Variants in GRM5 observed in about 807,000 individuals in gnomAD.
The protein encoded by GRM5 is metabotropic glutamate receptor 5.
A neutral mutation model predicts 83.1 loss-of-function variants in GRM5; 19 were observed. The observed-to-expected ratio is 0.23, with a 90% CI of 0.16 to 0.34. The LOEUF (loss-of-function observed/expected upper bound fraction) is 0.34, where lower values mean the gene tolerates loss of function less well. Ranked by LOEUF, GRM5 falls within the 10% of genes least tolerant of loss-of-function variation. The probability of loss-of-function intolerance (pLI) is 1.00; values close to 1 mark genes in which losing one functional copy is unlikely to be tolerated. For missense variants in GRM5, 1,160 were observed against 1,588.3 expected (o/e 0.73, Z 4.58); for synonymous variants, 675 against 633.6 (o/e 1.07, Z -0.98).
chr11:89,023,849 CTAAATAAATAAATAAATAAATAAA>C (rs71946693), intron 2 of GRM5, among the ~76,000 whole-genome samples: 19 of 134,496 alleles, frequency 1.4e-4, no homozygotes, highest in Admixed American at 2.3e-4. Context: ...GACTTCATCT[CTAAATAAATAAATAAATAAATAAA>C]TAAATAAATA....
intron 6 of GRM5, among the ~76,000 whole-genome samples, chr11:88,595,305 T>C (rs1390224587): frequency 6.6e-6 from 1 of 152,186 alleles, no homozygotes; most frequent in Non-Finnish European, 1.5e-5. Context: ...TACTTTTAAC[T>C]GTATTCATCC....
intron 4 of GRM5, among the ~76,000 whole-genome samples, chr11:88,650,332 T>C (rs1939597657): frequency 6.6e-6 from 1 of 151,924 alleles, no homozygotes; most frequent in Admixed American, 6.6e-5. Flanking sequence ...ATGTCCATAC[T>C]ATATGAGGAA....
At chr11:88,941,040 C>T (rs549524677) in intron 2 of GRM5, among the ~76,000 whole-genome samples, 1 of 151,896 alleles carries the variant, frequency 6.6e-6, no homozygotes, top group South Asian at 2.1e-4. Flanking sequence ...GCAATAAACA[C>T]TCCAAACTTA....
intron 8 of GRM5, among the ~76,000 whole-genome samples, chr11:88,548,237 T>G (rs1353906348): frequency 6.6e-6 from 1 of 152,194 alleles, no homozygotes; most frequent in Non-Finnish European, 1.5e-5. Flanking sequence ...GAAGGAAATA[T>G]GATTTGCATG....
At chr11:88,955,006 G>A (rs902494875) in intron 2 of GRM5, among the ~76,000 whole-genome samples, 3 of 152,180 alleles carry the variant, frequency 2.0e-5, no homozygotes, top group Non-Finnish European at 4.4e-5. Flanking sequence ...CTAAGTTCCT[G>A]AAAAATGATA....
At chr11:89,029,969 G>T (rs879398217) in intron 2 of GRM5, among the ~76,000 whole-genome samples, 9 of 152,026 alleles carry the variant, frequency 5.9e-5, no homozygotes, top group Admixed American at 2.6e-4. Context: ...CTGTTATATT[G>T]TTATACTTTG....
At chr11:88,919,258 C>G (rs7924854) in intron 2 of GRM5, among the ~76,000 whole-genome samples, 1 of 22,982 alleles carries the variant, frequency 4.4e-5, no homozygotes, top group Admixed American at 4.4e-4. Context: ...ATATATATAT[C>G]GGATAAAATA....
intron 3 of GRM5, among the ~76,000 whole-genome samples, chr11:88,742,479 A>C (rs1248880722): frequency 6.6e-6 from 1 of 152,010 alleles, no homozygotes; most frequent in African/African-American, 2.4e-5. Context: ...CAAATTTCTA[A>C]CCTCTTATCC....
intron 3 of GRM5, among the ~76,000 whole-genome samples, chr11:88,758,907 T>G (rs1332715893): frequency 6.6e-6 from 1 of 152,098 alleles, no homozygotes; most frequent in East Asian, 1.9e-4. Context: ...GCAGAAACCC[T>G]ACAAGCCAGA....
At chr11:88,719,873 T>C (rs1032623116) in intron 3 of GRM5, among the ~76,000 whole-genome samples, 1 of 152,104 alleles carries the variant, frequency 6.6e-6, no homozygotes, top group African/African-American at 2.4e-5. Flanking sequence ...TTTTGAAAAA[T>C]GCCTGTTCAT....
rs117799178 is a variant in GRM5, at chr11:88,563,442, T to G, written c.2630+3611A>C. On this transcript the variant is annotated intron_variant, in intron 8 of 9. Transcript: ENST00000305447. ...TGAGGTACACAATTAGTATCCTCTT[T>G]AAGATAGAGAGCCCTTACCATCTGC... Among the ~76,000 whole-genome samples the G allele has an allele frequency of 5.3e-3, 805 of 152,318 alleles. 5 individuals are homozygous for G. Among genetic ancestry groups the G allele is most frequent in the Non-Finnish European group, 8.0e-3 (547 of 68,018 alleles).
At chr11:88,905,497 A>C (rs2135600083) in intron 2 of GRM5, among the ~76,000 whole-genome samples, 1 of 152,144 alleles carries the variant, frequency 6.6e-6, no homozygotes, top group Non-Finnish European at 1.5e-5. Flanking sequence ...GCCCATCATT[A>C]CACCTGGCTA....
intron 3 of GRM5, among the ~76,000 whole-genome samples, chr11:88,777,445 G>A (rs190285218): frequency 1.8e-4 from 28 of 152,198 alleles, no homozygotes; most frequent in Non-Finnish European, 3.5e-4. Flanking sequence ...CTGTCAAATC[G>A]TCAAAGTCAT....
intron 2 of GRM5, among the ~76,000 whole-genome samples, chr11:88,875,371 G>T (rs1252501991): frequency 6.6e-6 from 1 of 151,868 alleles, no homozygotes; most frequent in African/African-American, 2.4e-5. Context: ...ACATTGTGAG[G>T]CTCACCTTCT....
chr11:88,960,867 C>T (rs1938762132), intron 2 of GRM5, among the ~76,000 whole-genome samples: 1 of 152,070 alleles, frequency 6.6e-6, no homozygotes, highest in Admixed American at 6.6e-5. Context: ...GTGAAGTCAA[C>T]CATTATTTCT....
chr11:88,567,552 G>T lies in GRM5; in HGVS notation c.2131C>A (p.Leu711Ile), dbSNP rs758165673. ...ICIQLGIIVA[L>I]FIMEPPDIMH... is the part of the protein sequence containing the mutation. ...ATGTCAGGAGGCTCCATTATAAAGA[G>T]GGCAACGATGATGCCCAACTGGATG... The change falls in exon 8 of 10, where the codon CTC (leucine) becomes ATC (isoleucine). Residue 711 changes from leucine (L) to isoleucine (I), a missense_variant. Physicochemically the swap from Leu to Ile is conservative, Grantham distance 5. Transcript: ENST00000305447. This position sits in a 1 kb window ranked among gnomAD's most constrained non-coding sequence, Gnocchi z 7.3. The T allele has an allele frequency of 5.6e-6, 9 of 1,613,894 alleles. No individual in the cohort carries two copies. In the Admixed American group the frequency reaches 1.0e-4, roughly 18 times the overall value.
chr11:88,571,216 A>G (rs1942993702), intron 7 of GRM5, among the ~76,000 whole-genome samples: 1 of 152,196 alleles, frequency 6.6e-6, no homozygotes, highest in Non-Finnish European at 1.5e-5. Flanking sequence ...TGAACTCTTC[A>G]TGTTCAGCTT....
At chr11:88,590,852 G>T in intron 6 of GRM5, 125 bp from the exon 7 acceptor site, 1 of 561,634 alleles carries the variant, frequency 1.8e-6, no homozygotes, top group East Asian at 2.9e-5. Context: ...AATGTTTTCA[G>T]ATAAGCAGTA....
chr11:88,984,125 G>C (rs1167001239), intron 2 of GRM5, among the ~76,000 whole-genome samples: 1 of 151,994 alleles, frequency 6.6e-6, no homozygotes, highest in Non-Finnish European at 1.5e-5. Context: ...AATTTAGTAT[G>C]GCTTAAGTTT....
Sources: allele counts gnomAD v4.1 joint callset (sites outside exome capture counted in the v4.1 genomes callset), GRCh38; gene constraint gnomAD v4.1.1; non-coding constraint Gnocchi (gnomAD v3.1); transcripts MANE v1.5; gene names NCBI Gene and HGNC (gene_info 2026-07-23, HGNC 2026-07-21).